ERC2: variants seen among roughly 807,000 people sequenced by gnomAD.
ERC2 encodes the protein ELKS/RAB6-interacting/CAST family member 2, also known as ERC protein 2.
Under a neutral mutation model 114.8 loss-of-function variants are expected in ERC2, and 42 were observed. The ratio of observed to expected loss-of-function variants is 0.37; its 90% CI spans 0.29 to 0.47. The LOEUF (loss-of-function observed/expected upper bound fraction) is 0.47, where lower values mean the gene tolerates loss of function less well. ERC2 is among the 20% of genes least tolerant of loss of function. The pLI is 0.99. For synonymous variants in ERC2, 454 were observed against 425.5 expected, an observed-to-expected ratio of 1.07 and a Z score of -0.82; for missense variants, 939 against 1,150.7, an observed-to-expected ratio of 0.82 and a Z score of 2.66.
rs1308959517 is a variant in ERC2 at position 55,559,565 on chromosome 3, G to A, written c.*40-48289C>T. 6.6e-5 allele frequency among the ~76,000 whole-genome samples: 10 copies of A among 152,358 alleles called. No homozygotes were observed. In the East Asian group the frequency reaches 1.9e-3, roughly 29 times the overall value. On this transcript the variant is annotated intron_variant, in intron 17 of 17. Coordinates refer to ENST00000288221, the MANE Select transcript of ERC2 (RefSeq NM_015576.3). ...TGTGTCCCCAAGAGACCTGGCCCAT[G>A]AAGTAAGACTGGAAGTCCCCAATGG...
chr3:56,391,076 G>A (rs2060111791), intron 2 of ERC2, among the ~76,000 whole-genome samples: 1 of 152,192 alleles, frequency 6.6e-6, no homozygotes, highest in Non-Finnish European at 1.5e-5. Context: ...ATGTGTTGGG[G>A]ATTAAAATGA....
rs1457697761 is a variant in ERC2 at position 55,725,995 on chromosome 3, A to G, written c.2712+8776T>C. Among the ~76,000 whole-genome samples the G allele has an allele frequency of 3.3e-5, 5 of 152,202 alleles. No homozygotes were observed. The East Asian group carries it at 9.6e-4, about 29-fold the overall frequency. ...GAGGAAATTGTTTACAGTAACACTG[A>G]GCAGTTCAGGCTTTACCTCCATAAG... is the stretch of plus-strand genomic sequence containing the variant. On this transcript the variant is annotated intron_variant, in intron 15 of 17. Transcript: ENST00000288221.
intron 3 of ERC2, among the ~76,000 whole-genome samples, chr3:56,222,876 C>T (rs1182023122): frequency 2.0e-5 from 3 of 152,228 alleles, no homozygotes; most frequent in Non-Finnish European, 4.4e-5. Context: ...GACAGACTCC[C>T]TCAAGCCTGG....
Position 56,182,726 on chromosome 3 carries a change from C to T in ERC2, c.1075-9206G>A, listed in dbSNP as rs143843063. The stretch of plus-strand genomic sequence containing the variant: ...TGCTCCTAATTGCCTCCCTACACTG[C>T]CCCCGTTTCACCACTTGGCTTTGAG... On this transcript the variant is annotated intron_variant, in intron 3 of 17. Transcript: ENST00000288221. Among the ~76,000 whole-genome samples the T allele has an allele frequency of 3.9e-5, 6 of 152,308 alleles. No individual in the cohort carries two copies. In the East Asian group the frequency reaches 1.2e-3, roughly 29 times the overall value.
chr3:56,209,503 C>A (rs905442207), intron 3 of ERC2, among the ~76,000 whole-genome samples: 5 of 152,174 alleles, frequency 3.3e-5, no homozygotes, highest in African/African-American at 1.2e-4. Flanking sequence ...TAGACCATTT[C>A]TGTCAATTTA....
At chr3:56,458,432 T>C (rs991759789) in intron 1 of ERC2, among the ~76,000 whole-genome samples, 1 of 152,212 alleles carries the variant, frequency 6.6e-6, no homozygotes, top group Non-Finnish European at 1.5e-5. Flanking sequence ...ACTATTCATG[T>C]TGTGAATTCA....
At chr3:56,396,384 A>C (rs1397610779) in intron 2 of ERC2, among the ~76,000 whole-genome samples, 1 of 152,230 alleles carries the variant, frequency 6.6e-6, no homozygotes, top group Non-Finnish European at 1.5e-5. Context: ...AGGCTGAGGC[A>C]CAAGAATCAC....
chr3:55,840,588 C>G (rs2061089213), intron 14 of ERC2, among the ~76,000 whole-genome samples: 1 of 151,876 alleles, frequency 6.6e-6, no homozygotes, highest in South Asian at 2.1e-4. Context: ...TTGAAAAGTC[C>G]AGCATACCCT....
intron 6 of ERC2, among the ~76,000 whole-genome samples, chr3:56,135,135 T>C (rs2080432090): frequency 6.6e-6 from 1 of 151,926 alleles, no homozygotes; most frequent in African/African-American, 2.4e-5. Context: ...GTATTATTAG[T>C]AGAGATAGGG....
chr3:56,024,187 G>T (rs1256351206), intron 7 of ERC2, among the ~76,000 whole-genome samples: 1 of 152,144 alleles, frequency 6.6e-6, no homozygotes, highest in East Asian at 1.9e-4. Flanking sequence ...TCACAAAACT[G>T]CCAGAAAGGC....
chr3:55,511,736 T>C (rs2052083355), intron 17 of ERC2, among the ~76,000 whole-genome samples: 1 of 152,228 alleles, frequency 6.6e-6, no homozygotes, highest in South Asian at 2.1e-4. Context: ...GAACTTAGCA[T>C]GCACTTAAAA....
intron 2 of ERC2, among the ~76,000 whole-genome samples, chr3:56,385,222 T>C (rs943297078): frequency 1.2e-4 from 18 of 152,014 alleles, no homozygotes; most frequent in African/African-American, 4.3e-4. Context: ...GCCAGCAGAT[T>C]TGATGTCTGC....
At chr3:56,128,011 G>A (rs772169041) in intron 6 of ERC2, among the ~76,000 whole-genome samples, 6 of 152,000 alleles carry the variant, frequency 3.9e-5, no homozygotes, top group Non-Finnish European at 5.9e-5. Context: ...CGGAGGCGGA[G>A]GTTGCAGTGA....
intron 14 of ERC2, among the ~76,000 whole-genome samples, chr3:55,740,221 T>C (rs1172392768): frequency 6.6e-6 from 1 of 152,194 alleles, no homozygotes. Flanking sequence ...GCCTTAATTA[T>C]CAAATCTCAA....
chr3:55,776,550 T>C (rs1364132013), intron 14 of ERC2, among the ~76,000 whole-genome samples: 2 of 152,062 alleles, frequency 1.3e-5, no homozygotes, highest in Non-Finnish European at 2.9e-5. Flanking sequence ...AGGAAAAGGA[T>C]AAAGACTTAC....
intron 2 of ERC2, among the ~76,000 whole-genome samples, chr3:56,299,749 C>T (rs1417763593): frequency 6.6e-6 from 1 of 152,126 alleles, no homozygotes; most frequent in Non-Finnish European, 1.5e-5. Context: ...ATATTCTTGA[C>T]CATGGCAAAT....
intron 7 of ERC2, among the ~76,000 whole-genome samples, chr3:56,029,706 A>G (rs1411096993): frequency 1.3e-5 from 2 of 151,618 alleles, no homozygotes; most frequent in Non-Finnish European, 3.0e-5. Context: ...GGCAATATAC[A>G]TCTTCTTTAT....
intron 5 of ERC2, among the ~76,000 whole-genome samples, chr3:56,147,206 C>T (rs2081186793): frequency 6.6e-6 from 1 of 152,230 alleles, no homozygotes; most frequent in African/African-American, 2.4e-5. Context: ...CTGCAGGTCA[C>T]CCTAGTACTG....
At chr3:55,649,636 G>A (rs1414235757) in intron 17 of ERC2, among the ~76,000 whole-genome samples, 2 of 152,174 alleles carry the variant, frequency 1.3e-5, no homozygotes, top group Admixed American at 6.5e-5. Flanking sequence ...GGTGCAGGGT[G>A]AAGAAGATGA....
Sources: gnomAD v4.1 joint callset for allele counts (sites outside exome capture counted in the v4.1 genomes callset) on GRCh38, gnomAD v4.1.1 for gene constraint, MANE v1.5 for transcripts, NCBI Gene and HGNC (gene_info 2026-07-23, HGNC 2026-07-21) for gene names.